LDLRAD4: variants seen among roughly 807,000 people sequenced by gnomAD.
The protein encoded by LDLRAD4 is low density lipoprotein receptor class A domain containing 4.
LDLRAD4 carries 5 observed loss-of-function variants against 17.0 expected under a neutral mutation model. The observed-to-expected ratio is 0.29, with a 90% CI of 0.15 to 0.62. The LOEUF is 0.62. Among genes scored for constraint, LDLRAD4 ranks in the 20% least tolerant of loss-of-function variants. The pLI, the probability that LDLRAD4 is intolerant of heterozygous loss-of-function variation, is 0.84. For synonymous variants in LDLRAD4, 168 were observed against 171.8 expected, an observed-to-expected ratio of 0.98 and a Z score of 0.17; for missense variants, 340 against 424.7, an observed-to-expected ratio of 0.80 and a Z score of 1.75.
intron 3 of LDLRAD4, chr18:13,612,074 C>T (rs1471661261): frequency 1.0e-5 from 10 of 985,410 alleles, no homozygotes; most frequent in African/African-American, 3.5e-5. Context: ...GGTAAGCGCC[C>T]TCTCCGGTCC....
intron 2 of LDLRAD4, among the ~76,000 whole-genome samples, chr18:13,406,044 G>A (rs1406114906): frequency 2.0e-5 from 3 of 152,194 alleles, no homozygotes; most frequent in African/African-American, 4.8e-5. Context: ...CTTGATGGCC[G>A]AGAATGTTGC....
chr18:13,554,113 GTTCCTGA>G (rs1380577255), intron 3 of LDLRAD4, among the ~76,000 whole-genome samples: 1 of 152,028 alleles, frequency 6.6e-6, no homozygotes, highest in Non-Finnish European at 1.5e-5. Flanking sequence ...TGCTTCCCTG[GTTCCTGA>G]TACACAGTAG....
chr18:13,605,970 C>G (rs138600670), intron 3 of LDLRAD4, among the ~76,000 whole-genome samples: 1 of 152,306 alleles, frequency 6.6e-6, no homozygotes, highest in East Asian at 1.9e-4. Context: ...GGCTCAAGAT[C>G]GCATTTCTCA....
At chr18:13,399,448 T>TA (rs2086973320) in intron 2 of LDLRAD4, among the ~76,000 whole-genome samples, 1 of 152,182 alleles carries the variant, frequency 6.6e-6, no homozygotes, top group Non-Finnish European at 1.5e-5. Flanking sequence ...TTTATGCAGA[T>TA]AAAGCACTTG....
chr18:13,377,239 C>T (rs1599775377), intron 1 of LDLRAD4, among the ~76,000 whole-genome samples: 1 of 152,200 alleles, frequency 6.6e-6, no homozygotes, highest in East Asian at 1.9e-4. Flanking sequence ...TGCATTCTGT[C>T]CTTCAGACAT....
intron 3 of LDLRAD4, among the ~76,000 whole-genome samples, chr18:13,584,129 G>A (rs541254718): frequency 2.0e-5 from 3 of 152,178 alleles, no homozygotes; most frequent in East Asian, 3.8e-4. Context: ...GCCTGTGACC[G>A]GCGTCTGCCT....
At chr18:13,316,667 A>G (rs923839868) in intron 1 of LDLRAD4, among the ~76,000 whole-genome samples, 6 of 152,182 alleles carry the variant, frequency 3.9e-5, no homozygotes, top group Non-Finnish European at 5.9e-5. Flanking sequence ...GTGGACGTGG[A>G]GGGTGGGTGC....
chr18:13,597,265 T>C (rs1453210541), intron 3 of LDLRAD4, among the ~76,000 whole-genome samples: 6 of 152,192 alleles, frequency 3.9e-5, no homozygotes, highest in Non-Finnish European at 8.8e-5. Flanking sequence ...GCTTTCATTG[T>C]TTCTGATGAG....
At chr18:13,351,068 C>A (rs1393719953) in intron 1 of LDLRAD4, among the ~76,000 whole-genome samples, 1 of 152,132 alleles carries the variant, frequency 6.6e-6, no homozygotes, top group Non-Finnish European at 1.5e-5. Context: ...TAGCATGATG[C>A]CTCCAGCTTT....
At chr18:13,338,999 T>G (rs541613848) in intron 1 of LDLRAD4, among the ~76,000 whole-genome samples, 1 of 152,344 alleles carries the variant, frequency 6.6e-6, no homozygotes, top group East Asian at 1.9e-4. Flanking sequence ...TATGCTTAAT[T>G]TATATCTGTG....
At position 13,610,674 on chromosome 18, in the gene LDLRAD4, G is replaced by T. The variant is rs531478348; in HGVS notation, c.182-10443G>T. On this transcript the variant is annotated intron_variant, in intron 3 of 5. Transcript: ENST00000359446. ...CCTGGCTTGAGGGCAAGCCTATCAT[G>T]TGACTGAGCCTGACCAGGAAGTGCT... Among the ~76,000 whole-genome samples the T allele has an allele frequency of 2.0e-5, 3 of 152,320 alleles. No homozygotes were observed. The South Asian group carries it at 6.2e-4, about 32-fold the overall frequency.
chr18:13,255,253 G>A (rs531673473), intron 1 of LDLRAD4, among the ~76,000 whole-genome samples: 2 of 152,300 alleles, frequency 1.3e-5, no homozygotes, highest in African/African-American at 2.4e-5. Context: ...CACAGTGGGA[G>A]CTCCTCCTGG....
chr18:13,531,587 C>CTTTTT lies in LDLRAD4; in HGVS notation c.182-89514_182-89510dup, dbSNP rs10680224. On this transcript the variant is annotated intron_variant, in intron 3 of 5. Transcript: ENST00000359446. ...CTTAGGTGACAGAGCAAGACTCCATCTTTTTTTTTTTTTTTTTTTTAAAGA... is the reference window on the plus strand; with the variant it reads ...CTTAGGTGACAGAGCAAGACTCCATCTTTTTTTTTTTTTTTTTTTTTTTTTAAAGA... Among the ~76,000 whole-genome samples, 419 of 124,558 alleles carry CTTTTT rather than the reference C, an allele frequency of 3.4e-3. 3 individuals carry two copies. Among genetic ancestry groups the CTTTTT allele is most frequent in the African/African-American group, 0.012 (390 of 32,836 alleles). 81.7% of individuals were successfully genotyped at this position (124,558 alleles called of 152,430 possible).
At chr18:13,237,207 G>A (rs2042380580) in intron 1 of LDLRAD4, among the ~76,000 whole-genome samples, 1 of 152,176 alleles carries the variant, frequency 6.6e-6, no homozygotes, top group Non-Finnish European at 1.5e-5. Context: ...CATGACATCT[G>A]CCTGCTTGCA....
chr18:13,401,556 G>A (rs1038693113), intron 2 of LDLRAD4, among the ~76,000 whole-genome samples: 2 of 152,156 alleles, frequency 1.3e-5, no homozygotes, highest in Non-Finnish European at 2.9e-5. Flanking sequence ...GCGTCCCCGA[G>A]GCCCTGGGAA....
rs370153279 is a variant in LDLRAD4, at chr18:13,582,483, C to T, written c.182-38634C>T. On this transcript the variant is annotated intron_variant, in intron 3 of 5. Transcript: ENST00000359446. ...CCTCCCAGGCTTGCCCGCTAAGGCC[C>T]CCAGCCGAGGGCAGTGTTTGCAGCT... 5.9e-5 allele frequency among the ~76,000 whole-genome samples: 9 copies of T among 152,332 alleles called. No homozygotes were observed. In the East Asian group the frequency reaches 1.7e-3, roughly 29 times the overall value.
intron 1 of LDLRAD4, among the ~76,000 whole-genome samples, chr18:13,286,643 C>T (rs1284907961): frequency 3.9e-5 from 6 of 152,194 alleles, no homozygotes; most frequent in South Asian, 2.1e-4. Context: ...TTATCCCATA[C>T]GATGTGGGAA....
chr18:13,265,710 C>T (rs916835595), intron 1 of LDLRAD4, among the ~76,000 whole-genome samples: 3 of 152,166 alleles, frequency 2.0e-5, no homozygotes, highest in Non-Finnish European at 1.5e-5. Flanking sequence ...CACACCTGGC[C>T]CCACTCCCCA....
chr18:13,284,490 C>G (rs1040300495), intron 1 of LDLRAD4, among the ~76,000 whole-genome samples: 1 of 152,014 alleles, frequency 6.6e-6, no homozygotes, highest in African/African-American at 2.4e-5. Context: ...AAAAAGCCAG[C>G]AAATTTTCCA....
Sources: allele counts gnomAD v4.1 joint callset (sites outside exome capture counted in the v4.1 genomes callset), GRCh38; gene constraint gnomAD v4.1.1; transcripts MANE v1.5; gene names NCBI Gene and HGNC (gene_info 2026-07-23, HGNC 2026-07-21).